Variants in SH3PXD2A observed in about 807,000 individuals in gnomAD.
SH3PXD2A encodes the protein SH3 and PX domain-containing protein 2A.
Under a neutral mutation model 115.2 loss-of-function variants are expected in SH3PXD2A, and 32 were observed. The ratio of observed to expected loss-of-function variants is 0.28; its 90% CI spans 0.21 to 0.37. The LOEUF (loss-of-function observed/expected upper bound fraction) is 0.37. Among genes scored for constraint, SH3PXD2A ranks in the 10% least tolerant of loss-of-function variants. The pLI, the probability that SH3PXD2A is intolerant of heterozygous loss-of-function variation, is 1.00. For synonymous variants in SH3PXD2A, 610 were observed against 629.1 expected (o/e 0.97, Z 0.45); for missense variants, 1,328 against 1,498.7 (o/e 0.89, Z 1.88).
chr10:103,643,298 C>T (rs1415579664), intron 8 of SH3PXD2A, among the ~76,000 whole-genome samples: 1 of 152,188 alleles, frequency 6.6e-6, no homozygotes, highest in Non-Finnish European at 1.5e-5. Context: ...CACTTGGGGT[C>T]GTTTAACTCT....
In SH3PXD2A at chr10:103,601,057, A is replaced by C. The variant is rs1281816673; in HGVS notation, c.*759T>G. The C allele has an allele frequency of 6.6e-6, 1 of 152,302 alleles. No homozygotes were observed. 9.4% of individuals were successfully genotyped at this position (152,302 alleles called of 1,614,324 possible). Reference sequence around the variant, plus strand: ...AAAATAGTCTGTGCAGATTAGGAAGAGACCGGTGGCTTCGCCCACCCTCTC... The same window carrying C: ...AAAATAGTCTGTGCAGATTAGGAAGCGACCGGTGGCTTCGCCCACCCTCTC... On this transcript the variant is annotated 3_prime_UTR_variant, in exon 15 of 15. Coordinates refer to ENST00000369774, the MANE Select transcript of SH3PXD2A (RefSeq NM_001394015.1).
rs2036588626 is a variant in SH3PXD2A at position 103,620,629 on chromosome 10, A to G, written c.802+1841T>C. On this transcript the variant is annotated intron_variant, in intron 10 of 14. Coordinates refer to ENST00000369774, the MANE Select transcript of SH3PXD2A (RefSeq NM_001394015.1). This position sits in a 1 kb window ranked among gnomAD's most constrained non-coding sequence, Gnocchi z 5.3. ...TGTTTGCAGCAAGCGTCTCCAAGCC[A>G]ACTCTCTGCAAGTTTTTCTTGGCTG... 6.6e-6 allele frequency among the ~76,000 whole-genome samples: 1 copy of G among 152,174 alleles called. No homozygotes were observed. The highest frequency in any genetic ancestry group is 6.5e-5 in the Admixed American group (1 of 15,278).
chr10:103,796,391 A>G (rs1324879606), intron 2 of SH3PXD2A, among the ~76,000 whole-genome samples: 4 of 150,964 alleles, frequency 2.6e-5, no homozygotes, highest in Non-Finnish European at 5.9e-5. Context: ...AAGTAAAAAA[A>G]AAAAAAAAGA....
intron 1 of SH3PXD2A, among the ~76,000 whole-genome samples, chr10:103,821,337 C>A (rs889008540): frequency 3.9e-5 from 6 of 152,032 alleles, no homozygotes; most frequent in African/African-American, 1.4e-4. Context: ...CCATGTCAGC[C>A]AGGCTAGTCT....
chr10:103,750,682 C>G (rs1447796100), intron 3 of SH3PXD2A, among the ~76,000 whole-genome samples: 1 of 152,212 alleles, frequency 6.6e-6, no homozygotes, highest in East Asian at 1.9e-4. Flanking sequence ...CCATCCTACA[C>G]ACAAGCTGAG....
At chr10:103,622,647 G>A (rs1025428000) in intron 9 of SH3PXD2A, 94 bp from the exon 10 acceptor site, 5 of 712,398 alleles carry the variant, frequency 7.0e-6, no homozygotes, top group Admixed American at 6.4e-5. Flanking sequence ...GGGAGGAAGG[G>A]GCACAGGGAG....
intron 13 of SH3PXD2A, chr10:103,608,604 T>G (rs1486928323): frequency 6.7e-6 from 1 of 149,722 alleles, no homozygotes; most frequent in African/African-American, 2.5e-5. Flanking sequence ...CATCAAAATA[T>G]TGCACATTTT....
At chr10:103,820,076 A>G (rs1436002395) in intron 1 of SH3PXD2A, among the ~76,000 whole-genome samples, 1 of 152,180 alleles carries the variant, frequency 6.6e-6, no homozygotes, top group Non-Finnish European at 1.5e-5. Flanking sequence ...AGGGAGCGTT[A>G]GCGACTTTTG....
intron 3 of SH3PXD2A, among the ~76,000 whole-genome samples, chr10:103,752,242 TC>T (rs2038587278): frequency 6.6e-6 from 1 of 152,232 alleles, no homozygotes; most frequent in African/African-American, 2.4e-5. Context: ...GCAGCCACGT[TC>T]TGCCAGTACA....
At position 103,659,261 on chromosome 10, in the gene SH3PXD2A, C is replaced by G. The variant is rs567569803; in HGVS notation, c.604+1722G>C. Among the ~76,000 whole-genome samples, 10 of 152,272 alleles carry G rather than the reference C, an allele frequency of 6.6e-5. 1 individual carries two copies. The South Asian group carries it at 2.1e-3, about 32-fold the overall frequency. ...CCATCCTGGCCAGTGGCTGGCAGCC[C>G]CCAAAGACATGGGGGCTCACTACCT... On this transcript the variant is annotated intron_variant, in intron 8 of 14. Coordinates refer to ENST00000369774, the MANE Select transcript of SH3PXD2A (RefSeq NM_001394015.1).
chr10:103,735,830 G>A (rs761046020), intron 3 of SH3PXD2A, 22 bp from the exon 4 acceptor site: 3 of 1,603,418 alleles, frequency 1.9e-6, no homozygotes, highest in Non-Finnish European at 2.6e-6. Flanking sequence ...ATGCTCATGA[G>A]TGGGGGATTC....
intron 5 of SH3PXD2A, among the ~76,000 whole-genome samples, chr10:103,712,892 G>T (rs1375928178): frequency 6.6e-6 from 1 of 152,234 alleles, no homozygotes; most frequent in Non-Finnish European, 1.5e-5. Flanking sequence ...GCAATGGCAT[G>T]AGTCCAGCCT....
At chr10:103,845,372 A>G (rs1171531887) in intron 1 of SH3PXD2A, among the ~76,000 whole-genome samples, 1 of 151,662 alleles carries the variant, frequency 6.6e-6, no homozygotes, top group Non-Finnish European at 1.5e-5. Context: ...AAAGAAAAAA[A>G]GGGAAAACAG....
chr10:103,609,639 G>C (rs949622852), intron 13 of SH3PXD2A: 2 of 152,190 alleles, frequency 1.3e-5, no homozygotes, highest in Non-Finnish European at 2.9e-5. Context: ...CGCCCAGTAG[G>C]AAACCAAATG....
intron 5 of SH3PXD2A, among the ~76,000 whole-genome samples, chr10:103,708,560 G>A: frequency 6.6e-6 from 1 of 152,186 alleles, no homozygotes; most frequent in East Asian, 1.9e-4. Flanking sequence ...TGCCCCCAGG[G>A]AACAGCCTGC....
rs1554901378 is a variant in SH3PXD2A, at chr10:103,596,687, A to ACTCTCACT, written c.*5128_*5129insAGTGAGAG. 6.9e-6 allele frequency: 1 copy of ACTCTCACT among 144,314 alleles called. No individual in the cohort carries two copies. The highest frequency in any genetic ancestry group is 1.5e-5 in the Non-Finnish European group (1 of 66,532). The allele number at this position is 144,314 out of a possible 1,614,324, so 8.9% of individuals were successfully genotyped here. On this transcript the variant is annotated 3_prime_UTR_variant, in exon 15 of 15. Transcript: ENST00000369774. ...CACTCTCTCTCTCTCTCTCTCTCTC[A>ACTCTCACT]CAACACATGGCCCTCAAAAAAGTGA...
intron 9 of SH3PXD2A, among the ~76,000 whole-genome samples, chr10:103,624,315 G>T (rs541491930): frequency 6.6e-6 from 1 of 152,166 alleles, no homozygotes; most frequent in African/African-American, 2.4e-5. Flanking sequence ...CCCAATATGC[G>T]CCCACTCTGG....
chr10:103,647,497 G>C (rs1232357199), intron 8 of SH3PXD2A, among the ~76,000 whole-genome samples: 1 of 152,196 alleles, frequency 6.6e-6, no homozygotes, highest in Non-Finnish European at 1.5e-5. Context: ...AGATGCTCTA[G>C]CTCCACTGAA....
chr10:103,641,951 T>C (rs1325911435), intron 8 of SH3PXD2A, among the ~76,000 whole-genome samples: 2 of 152,208 alleles, frequency 1.3e-5, no homozygotes, highest in Non-Finnish European at 2.9e-5. Flanking sequence ...GAATTACATA[T>C]ACTGTGGTTC....
Sources: allele counts gnomAD v4.1 joint callset (sites outside exome capture counted in the v4.1 genomes callset), GRCh38; gene constraint gnomAD v4.1.1; non-coding constraint Gnocchi (gnomAD v3.1); transcripts MANE v1.5; gene names NCBI Gene and HGNC (gene_info 2026-07-23, HGNC 2026-07-21).